The following SCAF11 variants were observed in gnomAD, a reference collection of about 807,000 sequenced individuals.
The protein encoded by SCAF11 is SR-related CTD associated factor 11, also known as protein SCAF11.
Under a neutral mutation model 140.5 loss-of-function variants are expected in SCAF11, and 47 were observed. The observed-to-expected ratio is 0.33, with a 90% CI of 0.26 to 0.43. The LOEUF is 0.43. SCAF11 is among the 20% of genes least tolerant of loss of function. SCAF11 has a pLI of 1.00. For synonymous variants in SCAF11, 557 were observed against 579.4 expected (o/e 0.96, Z 0.55); for missense variants, 1,645 against 1,705.1 (o/e 0.96, Z 0.62).
intron 1 of SCAF11, among the ~76,000 whole-genome samples, chr12:45,964,856 T>C (rs1245176308): frequency 6.6e-6 from 1 of 152,064 alleles, no homozygotes. Flanking sequence ...AGCAACACAG[T>C]ATGGAGAAAT....
Position 45,924,779 on chromosome 12 carries a change from T to C in SCAF11, c.3855A>G (p.Pro1285=), listed in dbSNP as rs751833329. 2 of 997,872 alleles carry C rather than the reference T, an allele frequency of 2.0e-6. No individual in the cohort carries two copies. Among genetic ancestry groups the C allele is most frequent in the South Asian group, 2.5e-5 (2 of 79,394 alleles). 61.8% of individuals were successfully genotyped at this position (997,872 alleles called of 1,614,324 possible). ...AAGCAATGTAGTTGACTTGTTGGGA[T>C]GGTGGGGGAGGGGGTGGTGGTGGTG... ...GLPPPPPPPP[P]SQQVNYIASQ... The change falls in exon 12 of 15, where the codon CCA becomes CCG. Residue 1285 remains proline (P), a synonymous_variant. Coordinates refer to ENST00000369367, the MANE Select transcript of SCAF11 (RefSeq NM_004719.3).
chr12:45,976,026 CCA>C (rs1946224697), intron 1 of SCAF11, among the ~76,000 whole-genome samples: 1 of 152,078 alleles, frequency 6.6e-6, no homozygotes, highest in Non-Finnish European at 1.5e-5. Context: ...TGCAGAATTG[CCA>C]CAATCTTCAA....
chr12:45,984,838 G>A (rs1226621375), intron 1 of SCAF11, among the ~76,000 whole-genome samples: 1 of 152,096 alleles, frequency 6.6e-6, no homozygotes, highest in African/African-American at 2.4e-5. Flanking sequence ...GGGATTACAG[G>A]CATGGGCCAC....
At chr12:45,973,009 TATAG>T (rs1224348817) in intron 1 of SCAF11, among the ~76,000 whole-genome samples, 1 of 138,262 alleles carries the variant, frequency 7.2e-6, no homozygotes, top group Non-Finnish European at 1.6e-5. Flanking sequence ...TAGATATATA[TATAG>T]ATATATAGAT....
rs1175682928 is a variant in SCAF11, at chr12:45,927,065, T to A, written c.2636A>T (p.Glu879Val). ...AGTTTCTCTTCTTGGGGACAGTGAT[T>A]CAGATCTTCTGCTTTCCCTAGTAGT... Reference protein sequence around the residue: ...RDTTRESRRSESLSPRRETSR... With the variant: ...RDTTRESRRSVSLSPRRETSR... Residue 879 changes from glutamate (E) to valine (V), a missense_variant, in exon 11 of 15, where the codon GAA (glutamate) becomes GTA (valine). Glu to Val is a moderately radical substitution (Grantham distance 121). This residue lies in a region of SCAF11 where 1,582 missense variants were observed against 1,609.2 expected (regional missense o/e 0.98). Coordinates refer to ENST00000369367, the MANE Select transcript of SCAF11 (RefSeq NM_004719.3). 6.2e-7 allele frequency: 1 copy of A among 1,614,146 alleles called. No homozygotes were observed. Among genetic ancestry groups the A allele is most frequent in the Middle Eastern group, 1.7e-4 (1 of 6,060 alleles).
chr12:45,926,932 TCTC>T lies in SCAF11; in HGVS notation c.2766_2768del (p.Arg923del). On this transcript the variant is annotated inframe_deletion, in exon 11 of 15. Coordinates refer to ENST00000369367, the MANE Select transcript of SCAF11 (RefSeq NM_004719.3). ...ACTTTCTGGTTCTCCTTTCTCTCTCTCTCCTCTGCCCATCTCTATCACTTTCTC... is the reference window on the plus strand; with the variant it reads ...ACTTTCTGGTTCTCCTTTCTCTCTCTCTCTGCCCATCTCTATCACTTTCTC... The T allele has an allele frequency of 6.2e-7, 1 of 1,612,808 alleles. No individual in the cohort carries two copies. The highest frequency in any genetic ancestry group is 8.5e-7 in the Non-Finnish European group (1 of 1,179,996).
intron 10 of SCAF11, 181 bp downstream of exon 10, chr12:45,931,325 C>T (rs1017832846): frequency 5.2e-6 from 2 of 381,988 alleles, no homozygotes; most frequent in Non-Finnish European, 9.5e-6. Context: ...TCTATATATA[C>T]ATACACTCTA....
chr12:45,969,300 T>A (rs991540653), intron 1 of SCAF11, among the ~76,000 whole-genome samples: 5 of 152,176 alleles, frequency 3.3e-5, no homozygotes, highest in Non-Finnish European at 5.9e-5. Flanking sequence ...TTTAGCCTAG[T>A]CTGGTTTGGT....
At chr12:45,967,460 A>G (rs972490959) in intron 1 of SCAF11, among the ~76,000 whole-genome samples, 1 of 152,228 alleles carries the variant, frequency 6.6e-6, no homozygotes, top group African/African-American at 2.4e-5. Flanking sequence ...CCTGGCCAAC[A>G]TGGCGAAACC....
At chr12:45,954,903 C>T (rs960003982) in intron 3 of SCAF11, 13 of 150,426 alleles carry the variant, frequency 8.6e-5, no homozygotes, top group African/African-American at 3.2e-4. Flanking sequence ...TCCATTTGAT[C>T]CGTTTCAAAA....
intron 1 of SCAF11, among the ~76,000 whole-genome samples, chr12:45,968,863 T>C (rs149417922): frequency 0.015 from 2,249 of 152,000 alleles, 199 homozygotes; most frequent in Admixed American, 0.13. Context: ...GAGGTGGAGG[T>C]TGCAGAGAGC....
chr12:45,923,109 C>T lies in SCAF11; in HGVS notation c.3952G>A (p.Val1318Ile). The stretch of plus-strand genomic sequence containing the variant: ...GGGGCTGCTGTCGGAGCAGGCAAAA[C>T]TGGTGTACTCATGTTATTACTTACA... Reference protein sequence around the residue: ...SHVSNNMSTPVLPAPTAAPGN... With the variant: ...SHVSNNMSTPILPAPTAAPGN... Residue 1318 changes from valine to isoleucine, a missense_variant, in exon 13 of 15, where the codon GTT becomes ATT. Transcript: ENST00000369367. The T allele has an allele frequency of 3.7e-6, 6 of 1,614,122 alleles. No individual in the cohort carries two copies. Among genetic ancestry groups the T allele is most frequent in the Non-Finnish European group, 5.1e-6 (6 of 1,180,016 alleles).
intron 3 of SCAF11, chr12:45,956,308 A>G: frequency 3.2e-6 from 2 of 620,174 alleles, no homozygotes; most frequent in Non-Finnish European, 5.8e-6. Context: ...CTCTCTACTA[A>G]CAAAATAGAG....
chr12:45,974,293 T>C, intron 1 of SCAF11: 1 of 463,396 alleles, frequency 2.2e-6, no homozygotes, highest in Non-Finnish European at 4.4e-6. Context: ...TGCTGACTAA[T>C]CACAGGATGG....
At chr12:45,971,737 C>T (rs1397587476) in intron 1 of SCAF11, among the ~76,000 whole-genome samples, 1 of 151,866 alleles carries the variant, frequency 6.6e-6, no homozygotes, top group Non-Finnish European at 1.5e-5. Flanking sequence ...TTTCTCTGTT[C>T]CTCATGTCCC....
intron 1 of SCAF11, among the ~76,000 whole-genome samples, chr12:45,970,769 T>C (rs149735856): frequency 6.0e-4 from 91 of 152,330 alleles, no homozygotes; most frequent in African/African-American, 2.0e-3. Context: ...ACCAGATAAA[T>C]GGAAAATTAA....
At chr12:45,986,310 C>G (rs145127097) in intron 1 of SCAF11, among the ~76,000 whole-genome samples, 9 of 152,186 alleles carry the variant, frequency 5.9e-5, no homozygotes, top group African/African-American at 2.4e-5. Flanking sequence ...TTATCTGGCA[C>G]AACCCAGGAA....
At chr12:45,985,210 G>A (rs1008612777) in intron 1 of SCAF11, among the ~76,000 whole-genome samples, 1 of 152,168 alleles carries the variant, frequency 6.6e-6, no homozygotes, top group Non-Finnish European at 1.5e-5. Context: ...ATTTGTTCTT[G>A]TTTTCTCCAT....
At chr12:45,961,645 T>C (rs1036172331) in intron 3 of SCAF11, 55 bp downstream of exon 3, 15 of 1,407,956 alleles carry the variant, frequency 1.1e-5, no homozygotes, top group South Asian at 2.8e-5. Flanking sequence ...ATCAACTCTT[T>C]AGGTGAAATG....
Sources: gnomAD v4.1 joint callset for allele counts (sites outside exome capture counted in the v4.1 genomes callset) on GRCh38, gnomAD v4.1.1 for gene constraint, gnomAD v4.1.1 regional missense constraint, MANE v1.5 for transcripts, NCBI Gene and HGNC (gene_info 2026-07-23, HGNC 2026-07-21) for gene names.